Variants in TNIK observed in about 807,000 individuals in gnomAD.
TNIK encodes the protein TRAF2 and NCK-interacting protein kinase.
A neutral mutation model predicts 191.3 loss-of-function variants in TNIK; 49 were observed. That is an observed-to-expected ratio of 0.26 (90% confidence interval 0.20 to 0.32). TNIK has a LOEUF of 0.32. Ranked by LOEUF, TNIK falls within the 10% of genes least tolerant of loss-of-function variation. The pLI, the probability that TNIK is intolerant of heterozygous loss-of-function variation, is 1.00. For missense variants in TNIK, 1,155 were observed against 1,702.3 expected (o/e 0.68, Z 5.66); for synonymous variants, 594 against 600.9 (o/e 0.99, Z 0.17).
At chr3:171,183,348 G>T (rs779451142) in intron 7 of TNIK, among the ~76,000 whole-genome samples, 4 of 152,218 alleles carry the variant, frequency 2.6e-5, no homozygotes, top group Admixed American at 6.5e-5. Flanking sequence ...GCAGTCCACA[G>T]TTGACAGACA....
chr3:171,378,058 C>T (rs565850679), intron 1 of TNIK, among the ~76,000 whole-genome samples: 1 of 152,292 alleles, frequency 6.6e-6, no homozygotes, highest in African/African-American at 2.4e-5. Flanking sequence ...CCACAATGAG[C>T]CAAATGGCTG....
intron 2 of TNIK, among the ~76,000 whole-genome samples, chr3:171,327,479 C>T (rs573198650): frequency 7.9e-5 from 12 of 152,218 alleles, no homozygotes; most frequent in African/African-American, 2.6e-4. Context: ...TATGCCTGGC[C>T]GCTAAAACAC....
At chr3:171,110,019 C>T (rs561300002) in intron 19 of TNIK, among the ~76,000 whole-genome samples, 2 of 152,218 alleles carry the variant, frequency 1.3e-5, no homozygotes, top group Middle Eastern at 3.4e-3. Flanking sequence ...ATTCTCCTGC[C>T]TCAGCCTCCC....
chr3:171,458,366 G>T (rs918271378), intron 1 of TNIK, among the ~76,000 whole-genome samples: 2 of 152,104 alleles, frequency 1.3e-5, no homozygotes, highest in African/African-American at 4.8e-5. Flanking sequence ...TCTTGATGTG[G>T]CATTTCCACT....
chr3:171,440,985 G>A (rs1025984786), intron 1 of TNIK, among the ~76,000 whole-genome samples: 18 of 152,112 alleles, frequency 1.2e-4, no homozygotes, highest in Admixed American at 3.3e-4. Flanking sequence ...AATGATTATC[G>A]TTATGTTTGT....
At chr3:171,077,459 A>G (rs371570049) in intron 28 of TNIK, among the ~76,000 whole-genome samples, 22 of 152,278 alleles carry the variant, frequency 1.4e-4, no homozygotes, top group Admixed American at 5.2e-4. Flanking sequence ...GCCCTCCCCA[A>G]TGTGGGTGGG....
At chr3:171,327,711 G>C (rs1322833258) in intron 2 of TNIK, among the ~76,000 whole-genome samples, 1 of 151,778 alleles carries the variant, frequency 6.6e-6, no homozygotes, top group African/African-American at 2.4e-5. Flanking sequence ...GGGAGCAAAG[G>C]GGGGTGTGTA....
intron 29 of TNIK, 27 bp from the exon 30 acceptor site, chr3:171,069,024 G>A (rs751529627): frequency 1.1e-5 from 18 of 1,593,834 alleles, no homozygotes; most frequent in South Asian, 9.3e-5. Context: ...ATTAGTATCC[G>A]CATCACTCAA....
At chr3:171,334,968 G>A (rs1466019531) in intron 2 of TNIK, among the ~76,000 whole-genome samples, 1 of 146,548 alleles carries the variant, frequency 6.8e-6, no homozygotes, top group East Asian at 2.0e-4. Flanking sequence ...GTCATTTGAA[G>A]TGACTTTCAG....
At chr3:171,085,320 A>G in intron 24 of TNIK, 91 bp from the exon 25 acceptor site, 1 of 1,240,500 alleles carries the variant, frequency 8.1e-7, no homozygotes, top group Non-Finnish European at 1.1e-6. Flanking sequence ...TAAAACGATC[A>G]CAGATTCTTC....
chr3:171,292,775 C>CAAAAAAAAAAAA (rs59314303), intron 2 of TNIK, among the ~76,000 whole-genome samples: 1 of 85,052 alleles, frequency 1.2e-5, no homozygotes, highest in Non-Finnish European at 2.3e-5. Context: ...GACTCCATCT[C>CAAAAAAAAAAAA]AAAAAAAAAA....
At chr3:171,373,935 T>C (rs976256909) in intron 1 of TNIK, among the ~76,000 whole-genome samples, 1 of 152,216 alleles carries the variant, frequency 6.6e-6, no homozygotes, top group Non-Finnish European at 1.5e-5. Context: ...CATTTTCACA[T>C]AGTGCTAGCC....
At chr3:171,320,985 C>T (rs542818183) in intron 2 of TNIK, among the ~76,000 whole-genome samples, 31 of 152,240 alleles carry the variant, frequency 2.0e-4, no homozygotes, top group Non-Finnish European at 4.3e-4. Flanking sequence ...GCCTTTGCAA[C>T]GAAGCAGGGT....
chr3:171,298,189 A>T (rs962538347), intron 2 of TNIK, among the ~76,000 whole-genome samples: 2 of 152,216 alleles, frequency 1.3e-5, no homozygotes, highest in South Asian at 4.1e-4. Context: ...TAAGTACTGT[A>T]CATGGAGCAA....
At chr3:171,087,266 T>C (rs1721484309) in intron 24 of TNIK, 76 bp downstream of exon 24, 1 of 1,586,590 alleles carries the variant, frequency 6.3e-7, no homozygotes, top group Admixed American at 1.7e-5. Context: ...CGAAGCCTCA[T>C]TCTTGAAGAG....
chr3:171,415,998 G>GAAAAAAAAA (rs58082222), intron 1 of TNIK, among the ~76,000 whole-genome samples: 1 of 86,674 alleles, frequency 1.2e-5, no homozygotes, highest in African/African-American at 4.9e-5. Flanking sequence ...AAAAAAAAAA[G>GAAAAAAAAA]AAAGAAAAAG....
chr3:171,404,398 T>G (rs1034454650), intron 1 of TNIK, among the ~76,000 whole-genome samples: 1 of 152,208 alleles, frequency 6.6e-6, no homozygotes, highest in Non-Finnish European at 1.5e-5. Context: ...TTTTTTTCCC[T>G]ATCACTGCCA....
At chr3:171,171,557 A>T (rs1735283760) in intron 9 of TNIK, among the ~76,000 whole-genome samples, 1 of 152,170 alleles carries the variant, frequency 6.6e-6, no homozygotes, top group Non-Finnish European at 1.5e-5. Context: ...GATTTTTCTA[A>T]TGACCTCAAC....
chr3:171,206,790 G>C (rs1395937024), intron 4 of TNIK, among the ~76,000 whole-genome samples: 2 of 152,174 alleles, frequency 1.3e-5, no homozygotes, highest in Admixed American at 6.6e-5. Flanking sequence ...ATCTGCAAAA[G>C]GGCGAAAAAG....
Sources: allele counts gnomAD v4.1 joint callset (sites outside exome capture counted in the v4.1 genomes callset), GRCh38; gene constraint gnomAD v4.1.1; transcripts MANE v1.5; gene names NCBI Gene and HGNC (gene_info 2026-07-23, HGNC 2026-07-21).